Variants in BAP1 observed in about 807,000 individuals in gnomAD.
BAP1 encodes ubiquitin carboxyl-terminal hydrolase BAP1.
Under a neutral mutation model 77.2 loss-of-function variants are expected in BAP1, and 16 were observed. The observed-to-expected ratio is 0.21, with a 90% CI of 0.14 to 0.31. The LOEUF is 0.31. BAP1 is among the 10% of genes least tolerant of loss of function. BAP1 has a pLI of 1.00. For missense variants in BAP1, 699 were observed against 967.3 expected (o/e 0.72, Z 3.68); for synonymous variants, 362 against 385.2 (o/e 0.94, Z 0.71).
At chr3:52,408,891 A>C (rs1017183146) in intron 3 of BAP1, among the ~76,000 whole-genome samples, 4 of 152,248 alleles carry the variant, frequency 2.6e-5, no homozygotes, top group African/African-American at 9.6e-5. Flanking sequence ...AGAGAAGAAA[A>C]GCTGGAACTG....
chr3:52,403,046 A>C lies in BAP1; in HGVS notation c.1890+92T>G. 1 of 1,599,682 alleles carries C rather than the reference A, an allele frequency of 6.3e-7. No individual in the cohort carries two copies. Among genetic ancestry groups the C allele is most frequent in the South Asian group, 1.1e-5 (1 of 90,546 alleles). Reference sequence around the variant, plus strand: ...GCTCCAGCCACCAATCTTCACACCAAAGTTCCAATCAAGAACTTGGCACCT... The same window carrying C: ...GCTCCAGCCACCAATCTTCACACCACAGTTCCAATCAAGAACTTGGCACCT... On this transcript the variant is annotated intron_variant, in intron 14 of 16. Transcript: ENST00000460680. The surrounding 1 kb of genome is among the most constrained non-coding windows in gnomAD (Gnocchi z 4.0).
rs1388248413 is a variant in BAP1 at position 52,402,570 on chromosome 3, AT to A, written c.2056+31del. 1 of 1,613,700 alleles carries A rather than the reference AT, an allele frequency of 6.2e-7. No individual in the cohort carries two copies. Among genetic ancestry groups the A allele is most frequent in the Non-Finnish European group, 8.5e-7 (1 of 1,179,648 alleles). On this transcript the variant is annotated intron_variant, in intron 16 of 16. Transcript: ENST00000460680. This position sits in a 1 kb window ranked among gnomAD's most constrained non-coding sequence, Gnocchi z 5.3. ...TGAAGGACACGGCCCTCAGCAGGGC[AT>A]TCCAGTTAAGACAGCAGCGCATCCC...
In BAP1 at chr3:52,401,982, T is replaced by C. The variant is rs1338250850; in HGVS notation, c.*306A>G. On this transcript the variant is annotated 3_prime_UTR_variant, in exon 17 of 17. Coordinates refer to ENST00000460680, the MANE Select transcript of BAP1 (RefSeq NM_004656.4). ...AAATAGATGTCTCTGATAGGTAAAA[T>C]ATATATTCTGCTGCCCAGGCAGAAG... is the stretch of plus-strand genomic sequence containing the variant. 5.8e-6 allele frequency: 3 copies of C among 521,424 alleles called. No homozygotes were observed. The highest frequency in any genetic ancestry group is 3.3e-5 in the Admixed American group (1 of 30,158). 32.3% of individuals were successfully genotyped at this position (521,424 alleles called of 1,614,324 possible).
chr3:52,409,497 T>C, intron 3 of BAP1, 57 bp downstream of exon 3: 1 of 1,607,804 alleles, frequency 6.2e-7, no homozygotes, highest in Admixed American at 1.7e-5. Flanking sequence ...CCCTGTTCTC[T>C]GGGACCTTCC....
rs1553644988 is a variant in BAP1 at position 52,403,848 on chromosome 3, C to T, written c.1297G>A (p.Ala433Thr). The T allele has an allele frequency of 6.2e-7, 1 of 1,614,136 alleles. No homozygotes were observed. The highest frequency in any genetic ancestry group is 8.5e-7 in the Non-Finnish European group (1 of 1,180,032). Residue 433 changes from alanine (A) to threonine (T), a missense_variant, in exon 13 of 17, where the codon GCT becomes ACT. Transcript: ENST00000460680. The surrounding 1 kb of genome is among the most constrained non-coding windows in gnomAD (Gnocchi z 4.0). ...TGKPGALSGS[A>T]DGQLSVLQPN... ...TGCAGCACTGACAGTTGCCCATCAG[C>T]AGAACCGCTCAATGCCCCTGGCTTC...
chr3:52,406,054 C>T lies in BAP1; in HGVS notation c.784-142G>A. On this transcript the variant is annotated intron_variant, in intron 9 of 16. Coordinates refer to ENST00000460680, the MANE Select transcript of BAP1 (RefSeq NM_004656.4). The surrounding 1 kb of genome is among the most constrained non-coding windows in gnomAD (Gnocchi z 4.6). ...GGGAAATAAAACACCCAAACCCAAACTTCCTTTTAGAAGCTATTCTCCCTC... is the reference window on the plus strand; with the variant it reads ...GGGAAATAAAACACCCAAACCCAAATTTCCTTTTAGAAGCTATTCTCCCTC... 4 of 1,499,332 alleles carry T rather than the reference C, an allele frequency of 2.7e-6. No individual in the cohort carries two copies. In the Admixed American group the frequency reaches 5.7e-5, roughly 22 times the overall value. The allele number at this position is 1,499,332 out of a possible 1,614,324, so 92.9% of individuals were successfully genotyped here.
rs1425968626 is a variant in BAP1 at position 52,408,529 on chromosome 3, T to G, written c.200A>C (p.Asp67Ala). 6.2e-7 allele frequency: 1 copy of G among 1,612,176 alleles called. No homozygotes were observed. Among genetic ancestry groups the G allele is most frequent in the African/African-American group, 1.3e-5 (1 of 75,008 alleles). Residue 67 changes from aspartate (D) to alanine (A), a missense_variant, in exon 4 of 17, where the codon GAT (aspartate) becomes GCT (alanine). This residue lies in a region of BAP1 where 160 missense variants were observed against 322.8 expected (regional missense o/e 0.50). Coordinates refer to ENST00000460680, the MANE Select transcript of BAP1 (RefSeq NM_004656.4). ...ATCATCATCAATCACGGACGTATCA[T>G]CCACCAAGGTAGAGACCTTTCGCCG... Reference protein sequence around the residue: ...RSRRKVSTLVDDTSVIDDDIV... With the variant: ...RSRRKVSTLVADTSVIDDDIV...
intron 12 of BAP1, 24 bp downstream of exon 12, chr3:52,404,429 G>A (rs1449121030): frequency 2.5e-6 from 4 of 1,614,096 alleles, no homozygotes; most frequent in Admixed American, 3.3e-5. Flanking sequence ...CTAGAACCTG[G>A]TAGCCTTAGA....
chr3:52,405,492 GAAAAAAAAAAAAAAAA>G (rs71084182), intron 10 of BAP1, 198 bp from the exon 11 acceptor site: 10 of 81,316 alleles, frequency 1.2e-4, no homozygotes, highest in East Asian at 3.2e-4. Flanking sequence ...GAAGCAGGAA[GAAAAAAAAAAAAAAAA>G]AAAAAAAAAA....
intron 1 of BAP1, 47 bp from the exon 2 acceptor site, chr3:52,409,790 C>T (rs2153228657): frequency 6.2e-7 from 1 of 1,613,196 alleles, no homozygotes. Context: ...GCAGGCGCGT[C>T]CCGGGCCCAT....
rs374746213 is a variant in BAP1, at chr3:52,403,815, T to C, written c.1330A>G (p.Thr444Ala). ...AGCTTCTCAGCCAAGACGTTGATGGTGTTGGGCTGCAGCACTGACAGTTGC... is the reference window on the plus strand; with the variant it reads ...AGCTTCTCAGCCAAGACGTTGATGGCGTTGGGCTGCAGCACTGACAGTTGC... ...DGQLSVLQPN[T>A]INVLAEKLKE... is the part of the protein sequence containing the mutation. Residue 444 changes from threonine to alanine, a missense_variant, in exon 13 of 17, where the codon ACC becomes GCC. Physicochemically the swap from Thr to Ala is moderately conservative, Grantham distance 58 (BLOSUM62 0). Coordinates refer to ENST00000460680, the MANE Select transcript of BAP1 (RefSeq NM_004656.4). This position sits in a 1 kb window ranked among gnomAD's most constrained non-coding sequence, Gnocchi z 4.0. 67 of 1,614,090 alleles carry C rather than the reference T, an allele frequency of 4.2e-5. No homozygotes were observed. The African/African-American group carries it at 8.1e-4, about 20-fold the overall frequency.
In BAP1 at chr3:52,403,081, G is replaced by C. The variant is rs1174321363; in HGVS notation, c.1890+57C>G. The C allele has an allele frequency of 2.4e-5, 39 of 1,604,796 alleles. No individual in the cohort carries two copies. The highest frequency in any genetic ancestry group is 3.1e-5 in the Non-Finnish European group (36 of 1,178,778). On this transcript the variant is annotated intron_variant, in intron 14 of 16. Transcript: ENST00000460680. This position sits in a 1 kb window ranked among gnomAD's most constrained non-coding sequence, Gnocchi z 4.0. Reference sequence around the variant, plus strand: ...CAAGAACTTGGCACCTGGGCAGGAGGAGCTCAGGCCTTACCCTCTGCCAGG... The same window carrying C: ...CAAGAACTTGGCACCTGGGCAGGAGCAGCTCAGGCCTTACCCTCTGCCAGG...
chr3:52,406,257 T>C lies in BAP1; in HGVS notation c.779A>G (p.Gln260Arg), dbSNP rs878854742. ...VNRQTVLEAL[Q>R]QLIRVTQPEL... ...CCAGGAAGAAAGGGCACCTACCTGC[T>C]GCAGAGCCTCTAGTACTGTCTGACG... Residue 260 changes from glutamine (Q) to arginine (R), a missense_variant, in exon 9 of 17, where the codon CAG becomes CGG. By Grantham distance (43) the Gln-to-Arg change is conservative. Transcript: ENST00000460680. The surrounding 1 kb of genome is among the most constrained non-coding windows in gnomAD (Gnocchi z 4.6). The C allele has an allele frequency of 1.9e-6, 3 of 1,614,172 alleles. No homozygotes were observed. Among genetic ancestry groups the C allele is most frequent in the Non-Finnish European group, 2.5e-6 (3 of 1,180,016 alleles).
rs765527118 is a variant in BAP1, at chr3:52,407,178, G to A, written c.576C>T (p.Asp192=). 1.9e-6 allele frequency: 3 copies of A among 1,613,866 alleles called. No individual in the cohort carries two copies. The Admixed American group carries it at 5.0e-5, about 27-fold the overall frequency. The part of the protein sequence containing the change: ...ELDGLKVYPI[D]HGPWGEDEEW... ...CCTCCAGCTCATGGTGCCTACCATG[G>A]TCAATGGGGTAGACCTTCAGCCCAT... Residue 192 remains aspartate (D), a synonymous_variant, in exon 7 of 17, where the codon GAC becomes GAT. Coordinates refer to ENST00000460680, the MANE Select transcript of BAP1 (RefSeq NM_004656.4).
intron 4 of BAP1, 141 bp from the exon 5 acceptor site, chr3:52,408,218 TG>T (rs1705227602): frequency 7.0e-7 from 1 of 1,429,842 alleles, no homozygotes; most frequent in Non-Finnish European, 9.6e-7. Flanking sequence ...CTTTGCCTAA[TG>T]TTTATTCATT....
intron 12 of BAP1, 27 bp downstream of exon 12, chr3:52,404,426 C>T (rs887335504): frequency 6.2e-7 from 1 of 1,614,122 alleles, no homozygotes; most frequent in Non-Finnish European, 8.5e-7. Context: ...CACCTAGAAC[C>T]TGGTAGCCTT....
At chr3:52,405,059 G>T (rs142622446) in intron 11 of BAP1, 51 bp downstream of exon 11, 1 of 1,608,824 alleles carries the variant, frequency 6.2e-7, no homozygotes, top group Non-Finnish European at 8.5e-7. Context: ...GCCTGTTGCA[G>T]CCTCTCAAGA....
chr3:52,401,502 A>G lies in BAP1; in HGVS notation c.*786T>C, dbSNP rs1445734679. The G allele has an allele frequency of 4.3e-6, 1 of 233,640 alleles. No homozygotes were observed. The highest frequency in any genetic ancestry group is 8.5e-6 in the Non-Finnish European group (1 of 118,106). The allele number at this position is 233,640 out of a possible 1,614,324, so 14.5% of individuals were successfully genotyped here. ...TAGAGCCCAATTTAGGCCCATAGCT[A>G]GGGCCACAACACTGAAGGCGAAGAG... is the stretch of plus-strand genomic sequence containing the variant. On this transcript the variant is annotated 3_prime_UTR_variant, in exon 17 of 17. Coordinates refer to ENST00000460680, the MANE Select transcript of BAP1 (RefSeq NM_004656.4).
Position 52,403,113 on chromosome 3 carries a change from G to T in BAP1, c.1890+25C>A, listed in dbSNP as rs1306755103. On this transcript the variant is annotated intron_variant, in intron 14 of 16. Transcript: ENST00000460680. The surrounding 1 kb of genome is among the most constrained non-coding windows in gnomAD (Gnocchi z 4.0). ...GGCCTTACCCTCTGCCAGGATTAAA[G>T]GAGAAAACCACAACGGAGGCTCACC... The T allele has an allele frequency of 1.9e-6, 3 of 1,610,850 alleles. No individual in the cohort carries two copies. The highest frequency in any genetic ancestry group is 2.5e-6 in the Non-Finnish European group (3 of 1,179,936).
Sources: gnomAD v4.1 joint callset for allele counts (sites outside exome capture counted in the v4.1 genomes callset) on GRCh38, gnomAD v4.1.1 for gene constraint, gnomAD v4.1.1 regional missense constraint, Gnocchi (gnomAD v3.1) non-coding constraint, MANE v1.5 for transcripts, NCBI Gene and HGNC (gene_info 2026-07-23, HGNC 2026-07-21) for gene names.